Variants in PCDHGA1 observed in about 807,000 individuals in gnomAD.
PCDHGA1 encodes protocadherin gamma subfamily A, 1.
A neutral mutation model predicts 58.0 loss-of-function variants in PCDHGA1; 32 were observed. The ratio of observed to expected loss-of-function variants is 0.55; its 90% confidence interval spans 0.42 to 0.74. The LOEUF is 0.74. Ranked by LOEUF, PCDHGA1 falls within the 30% of genes least tolerant of loss-of-function variation. PCDHGA1 has a pLI of 0.00. For missense variants in PCDHGA1, 1,205 were observed against 1,182.3 expected (o/e 1.02, Z -0.28); for synonymous variants, 498 against 501.1 (o/e 0.99, Z 0.08).
intron 3 of PCDHGA1, among the ~76,000 whole-genome samples, chr5:141,509,069 G>A (rs1463164307): frequency 2.6e-5 from 4 of 152,174 alleles, no homozygotes; most frequent in African/African-American, 9.7e-5. Context: ...CTCAGCTCCG[G>A]GGATTTGCGA....
chr5:141,365,091 A>C (rs1251688071), intron 1 of PCDHGA1: 1 of 1,613,870 alleles, frequency 6.2e-7, no homozygotes, highest in Admixed American at 1.7e-5. Context: ...GTTCCAGAGA[A>C]CATACCTGTG....
chr5:141,472,579 G>T (rs1172183592), intron 1 of PCDHGA1, among the ~76,000 whole-genome samples: 3 of 151,928 alleles, frequency 2.0e-5, no homozygotes, highest in Non-Finnish European at 4.4e-5. Context: ...GCATCTCATT[G>T]GTCAGAAGCT....
chr5:141,495,028 G>C, intron 2 of PCDHGA1, 163 bp downstream of exon 2: 3 of 966,196 alleles, frequency 3.1e-6, no homozygotes, highest in Non-Finnish European at 3.7e-6. Flanking sequence ...CACAGACCCC[G>C]GAAGGAAGAG....
At chr5:141,399,720 C>G (rs1217371004) in intron 1 of PCDHGA1, 2 of 1,613,306 alleles carry the variant, frequency 1.2e-6, no homozygotes, top group South Asian at 2.2e-5. Context: ...TACAGGCCCG[C>G]GACCAGGGCT....
rs774792397 is a variant in PCDHGA1 at position 141,330,742 on chromosome 5, C to G, written c.58C>G (p.Leu20Val). Residue 20 changes from leucine (L) to valine (V), a missense_variant, in exon 1 of 4, where the codon CTG (leucine) becomes GTG (valine). Leu to Val is a conservative substitution (Grantham distance 32). Transcript: ENST00000517417. Reference sequence around the variant, plus strand: ...CAGGCTGATGCTTCTGTGTCTTTCTCTGGAGCTGCTGTTGGAAGCTGGGGC... The same window carrying G: ...CAGGCTGATGCTTCTGTGTCTTTCTGTGGAGCTGCTGTTGGAAGCTGGGGC... ...CSRLMLLCLS[L>V]ELLLEAGAGN... 6.2e-6 allele frequency: 10 copies of G among 1,613,858 alleles called. No individual in the cohort carries two copies. In the African/African-American group the frequency reaches 8.0e-5, roughly 13 times the overall value.
At chr5:141,355,112 A>T (rs1371168297) in intron 1 of PCDHGA1, 1 of 1,510,090 alleles carries the variant, frequency 6.6e-7, no homozygotes. Flanking sequence ...CTGTGAATGC[A>T]CTTTATTTTG....
At chr5:141,389,404 C>T in intron 1 of PCDHGA1, 3 of 1,613,616 alleles carry the variant, frequency 1.9e-6, no homozygotes, top group Non-Finnish European at 2.5e-6. Context: ...TCCATAAGCG[C>T]GGAGAGCGGG....
chr5:141,436,856 G>A (rs942357563), intron 1 of PCDHGA1, among the ~76,000 whole-genome samples: 2 of 152,246 alleles, frequency 1.3e-5, no homozygotes, highest in Admixed American at 1.3e-4. Context: ...TGATTGAGAA[G>A]CCACAGTTTT....
chr5:141,339,540 A>G (rs765418882), intron 1 of PCDHGA1: 1 of 1,614,196 alleles, frequency 6.2e-7, no homozygotes, highest in East Asian at 2.2e-5. Flanking sequence ...GATGGGAACA[A>G]GTACCCAGAA....
chr5:141,369,901 T>G (rs1766552570), intron 1 of PCDHGA1, among the ~76,000 whole-genome samples: 1 of 152,190 alleles, frequency 6.6e-6, no homozygotes, highest in Admixed American at 6.5e-5. Context: ...TTATGACCAT[T>G]TTATGAAAAT....
At chr5:141,452,411 A>G (rs965622061) in intron 1 of PCDHGA1, among the ~76,000 whole-genome samples, 8 of 152,200 alleles carry the variant, frequency 5.3e-5, no homozygotes, top group African/African-American at 1.9e-4. Context: ...GGTGTGAGGT[A>G]TGCTCACTGC....
At chr5:141,371,321 T>C (rs1767663616) in intron 1 of PCDHGA1, 4 of 1,613,816 alleles carry the variant, frequency 2.5e-6, no homozygotes, top group Non-Finnish European at 3.4e-6. Context: ...AACTGGACTT[T>C]GAAGAGAGAG....
chr5:141,399,472 C>T lies in PCDHGA1; in HGVS notation c.2421+66367C>T, dbSNP rs763239278. On this transcript the variant is annotated intron_variant, in intron 1 of 3. Transcript: ENST00000517417. ...CGTCAACGATAACGCTCCGGTTTTCCACCAGGCGTCCTACTTAGTCAGTGT... is the reference window on the plus strand; with the variant it reads ...CGTCAACGATAACGCTCCGGTTTTCTACCAGGCGTCCTACTTAGTCAGTGT... 29 of 1,613,908 alleles carry T rather than the reference C, an allele frequency of 1.8e-5. No individual in the cohort carries two copies. The South Asian group carries it at 2.9e-4, about 16-fold the overall frequency.
chr5:141,393,452 G>T lies in PCDHGA1; in HGVS notation c.2421+60347G>T, dbSNP rs189963623. 9.0e-3 allele frequency: 14,601 copies of T among 1,614,028 alleles called. 101 individuals are homozygous for T. The highest frequency in any genetic ancestry group is 0.01 in the Non-Finnish European group (11,851 of 1,179,906). ...AGGCTGCTCACCACCTGGTCCTCACGGCCTCGGATGGCGGCAAGCCGCCTC... is the reference window on the plus strand; with the variant it reads ...AGGCTGCTCACCACCTGGTCCTCACTGCCTCGGATGGCGGCAAGCCGCCTC... On this transcript the variant is annotated intron_variant, in intron 1 of 3. Coordinates refer to ENST00000517417, the MANE Select transcript of PCDHGA1 (RefSeq NM_018912.3).
At chr5:141,372,309 C>A in intron 1 of PCDHGA1, 1 of 1,613,518 alleles carries the variant, frequency 6.2e-7, no homozygotes, top group Non-Finnish European at 8.5e-7. Flanking sequence ...GGAGGCCGCC[C>A]GCCAGCGCCT....
At chr5:141,333,364 T>C in intron 1 of PCDHGA1, 2 of 591,740 alleles carry the variant, frequency 3.4e-6, no homozygotes, top group Non-Finnish European at 5.7e-6. Context: ...CCATCTCTGT[T>C]TGGAAAGAGC....
chr5:141,357,187 G>C, intron 1 of PCDHGA1: 1 of 1,613,776 alleles, frequency 6.2e-7, no homozygotes, highest in South Asian at 1.1e-5. Flanking sequence ...ACTCACTGTG[G>C]CTGTGGCCGA....
Position 141,432,253 on chromosome 5 carries a change from G to A in PCDHGA1, c.2422-62554G>A, listed in dbSNP as rs1193159615. ...CCCTGGCTGAGAACACCATCCAAGGGGCAAGCCTATCGTCCTACGTGTCCA... is the reference window on the plus strand; with the variant it reads ...CCCTGGCTGAGAACACCATCCAAGGAGCAAGCCTATCGTCCTACGTGTCCA... On this transcript the variant is annotated intron_variant, in intron 1 of 3. Coordinates refer to ENST00000517417, the MANE Select transcript of PCDHGA1 (RefSeq NM_018912.3). The surrounding 1 kb of genome is among the most constrained non-coding windows in gnomAD (Gnocchi z 6.0). 2.5e-6 allele frequency: 4 copies of A among 1,614,086 alleles called. No individual in the cohort carries two copies. Among genetic ancestry groups the A allele is most frequent in the Non-Finnish European group, 3.4e-6 (4 of 1,180,046 alleles).
chr5:141,362,072 T>G (rs754972380), intron 1 of PCDHGA1: 1 of 1,612,748 alleles, frequency 6.2e-7, no homozygotes, highest in Non-Finnish European at 8.5e-7. Flanking sequence ...CTGGTCGCTG[T>G]GCGTGATGGA....
Sources: gnomAD v4.1 joint callset for allele counts (sites outside exome capture counted in the v4.1 genomes callset) on GRCh38, gnomAD v4.1.1 for gene constraint, Gnocchi (gnomAD v3.1) non-coding constraint, MANE v1.5 for transcripts, NCBI Gene and HGNC (gene_info 2026-07-23, HGNC 2026-07-21) for gene names.